The following MFAP3L variants were observed in gnomAD, a reference collection of about 807,000 sequenced individuals.
The protein encoded by MFAP3L is microfibrillar-associated protein 3-like.
MFAP3L carries 5 observed loss-of-function variants against 20.0 expected under a neutral mutation model. That is an observed-to-expected ratio of 0.25 (90% CI 0.13 to 0.53). The LOEUF (loss-of-function observed/expected upper bound fraction) is 0.53, where lower values mean the gene tolerates loss of function less well. Ranked by LOEUF, MFAP3L falls within the 20% of genes least tolerant of loss-of-function variation. The pLI, the probability that MFAP3L is intolerant of heterozygous loss-of-function variation, is 0.96. For synonymous variants in MFAP3L, 219 were observed against 213.0 expected (o/e 1.03, Z -0.25); for missense variants, 409 against 527.5 (o/e 0.78, Z 2.20).
chr4:170,015,720 T>G (rs1387410630), intron 1 of MFAP3L, among the ~76,000 whole-genome samples: 3 of 152,202 alleles, frequency 2.0e-5, no homozygotes, highest in Non-Finnish European at 4.4e-5. Flanking sequence ...GGGCCGGTCC[T>G]CTTGGGCACA....
chr4:170,026,797 G>A (rs1432469756), upstream of MFAP3L: 1 of 152,290 alleles, frequency 6.6e-6, no homozygotes, highest in East Asian at 1.9e-4. Context: ...CCCAGGAAAA[G>A]GCTTCTTAGG....
intron 2 of MFAP3L, among the ~76,000 whole-genome samples, chr4:169,999,913 G>A (rs1461776703): frequency 1.3e-5 from 2 of 152,062 alleles, no homozygotes; most frequent in African/African-American, 4.8e-5. Context: ...TTATTGTAGG[G>A]GTCTGTCCTG....
intron 2 of MFAP3L, chr4:169,994,130 T>G: frequency 2.1e-6 from 2 of 968,616 alleles, no homozygotes; most frequent in Non-Finnish European, 2.5e-6. Context: ...GATTGAAAGC[T>G]TATTCCATAG....
chr4:170,004,043 G>C (rs1427682361), intron 2 of MFAP3L, among the ~76,000 whole-genome samples: 1 of 152,182 alleles, frequency 6.6e-6, no homozygotes, highest in East Asian at 1.9e-4. Context: ...TGCAACGCCT[G>C]CCTCCTGGGT....
At chr4:170,000,439 G>A (rs1415022285) in intron 2 of MFAP3L, among the ~76,000 whole-genome samples, 2 of 152,018 alleles carry the variant, frequency 1.3e-5, no homozygotes, top group Non-Finnish European at 2.9e-5. Context: ...ATTATTGTGA[G>A]GATATAGTAT....
chr4:169,999,433 C>T (rs1738455186), intron 2 of MFAP3L, among the ~76,000 whole-genome samples: 1 of 152,142 alleles, frequency 6.6e-6, no homozygotes, highest in South Asian at 2.1e-4. Flanking sequence ...GTTCCTCTAG[C>T]TAATTTGGTC....
chr4:170,004,042 T>G (rs1165406337), intron 2 of MFAP3L, among the ~76,000 whole-genome samples: 1 of 152,190 alleles, frequency 6.6e-6, no homozygotes. Context: ...CTGCAACGCC[T>G]GCCTCCTGGG....
At chr4:170,024,442 C>T (rs1215165603) in intron 1 of MFAP3L, among the ~76,000 whole-genome samples, 1 of 152,162 alleles carries the variant, frequency 6.6e-6, no homozygotes, top group Non-Finnish European at 1.5e-5. Flanking sequence ...GGAATGTCAC[C>T]TGAGGATATG....
chr4:169,994,206 G>A (rs141941173), intron 2 of MFAP3L: 2 of 985,362 alleles, frequency 2.0e-6, no homozygotes, highest in East Asian at 2.3e-4. Flanking sequence ...CCTTCCTTTT[G>A]TTGGAAAATA....
chr4:170,000,362 C>T (rs2110968000), intron 2 of MFAP3L, among the ~76,000 whole-genome samples: 1 of 152,202 alleles, frequency 6.6e-6, no homozygotes, highest in Admixed American at 6.5e-5. Flanking sequence ...TATTAAATTA[C>T]CCAGAAAACT....
intron 1 of MFAP3L, among the ~76,000 whole-genome samples, chr4:170,008,743 C>T (rs1008360438): frequency 2.0e-5 from 3 of 152,146 alleles, no homozygotes; most frequent in African/African-American, 7.2e-5. Flanking sequence ...TTCTCATCAC[C>T]CCATCGCATG....
At chr4:169,995,547 C>T (rs920458293) in intron 2 of MFAP3L, among the ~76,000 whole-genome samples, 6 of 152,196 alleles carry the variant, frequency 3.9e-5, no homozygotes, top group African/African-American at 7.2e-5. Flanking sequence ...TCCATCCACA[C>T]GGCACTTGTC....
chr4:170,018,028 A>T (rs914717301), intron 1 of MFAP3L, among the ~76,000 whole-genome samples: 1 of 152,240 alleles, frequency 6.6e-6, no homozygotes, highest in Non-Finnish European at 1.5e-5. Context: ...TGGGGATTAA[A>T]AACAGTTTAA....
At chr4:169,994,143 A>C in intron 2 of MFAP3L, 1 of 979,602 alleles carries the variant, frequency 1.0e-6, no homozygotes, top group Non-Finnish European at 1.2e-6. Flanking sequence ...TTCCATAGAG[A>C]AGACATTGGG....
chr4:170,011,843 G>A (rs947447634), intron 1 of MFAP3L, among the ~76,000 whole-genome samples: 2 of 152,228 alleles, frequency 1.3e-5, no homozygotes, highest in Non-Finnish European at 2.9e-5. Context: ...GAATTTTCTG[G>A]AAGTGATTCT....
intron 2 of MFAP3L, among the ~76,000 whole-genome samples, chr4:169,999,992 A>C (rs1738499639): frequency 6.6e-6 from 1 of 152,088 alleles, no homozygotes; most frequent in Non-Finnish European, 1.5e-5. Flanking sequence ...AACCAGCCTG[A>C]CCCTACTGGT....
rs1737467733 is a variant in MFAP3L at position 169,988,960 on chromosome 4, T to C, written c.*2418A>G. Reference sequence around the variant, plus strand: ...TCAATGTCTAGGTGGAATGGATGCCTTCTCCTTTCCATGTGGAAACCTACA... The same window carrying C: ...TCAATGTCTAGGTGGAATGGATGCCCTCTCCTTTCCATGTGGAAACCTACA... On this transcript the variant is annotated 3_prime_UTR_variant, in exon 3 of 3. Coordinates refer to ENST00000361618, the MANE Select transcript of MFAP3L (RefSeq NM_021647.8). 1 of 152,158 alleles carries C rather than the reference T, an allele frequency of 6.6e-6. No homozygotes were observed. Among genetic ancestry groups the C allele is most frequent in the Non-Finnish European group, 1.5e-5 (1 of 68,020 alleles). The allele number at this position is 152,158 out of a possible 1,614,324, so 9.4% of individuals were successfully genotyped here.
Position 169,991,049 on chromosome 4 carries a change from AC to A in MFAP3L, c.*328del, listed in dbSNP as rs1367060081. 1.6e-5 allele frequency: 5 copies of A among 306,330 alleles called. No homozygotes were observed. The Admixed American group carries it at 2.3e-4, about 14-fold the overall frequency. 19.0% of individuals were successfully genotyped at this position (306,330 alleles called of 1,614,324 possible). On this transcript the variant is annotated 3_prime_UTR_variant, in exon 3 of 3. Transcript: ENST00000361618. The surrounding 1 kb of genome is among the most constrained non-coding windows in gnomAD (Gnocchi z 4.9). The stretch of plus-strand genomic sequence containing the variant: ...AGGGGGCACTGGACAGGGTTCTTGA[AC>A]TCAGAATATCTTACAGTGGTGTACT...
At chr4:170,014,237 G>C (rs907870448) in intron 1 of MFAP3L, among the ~76,000 whole-genome samples, 19 of 152,102 alleles carry the variant, frequency 1.2e-4, no homozygotes, top group Non-Finnish European at 5.9e-5. Context: ...GTAGAGATTC[G>C]AATTTTCATT....
Sources: allele counts gnomAD v4.1 joint callset (sites outside exome capture counted in the v4.1 genomes callset), GRCh38; gene constraint gnomAD v4.1.1; non-coding constraint Gnocchi (gnomAD v3.1); transcripts MANE v1.5; gene names NCBI Gene and HGNC (gene_info 2026-07-23, HGNC 2026-07-21).